Variants in HSD17B12 observed in about 807,000 individuals in gnomAD.
The protein encoded by HSD17B12 is hydroxysteroid 17-beta dehydrogenase 12, also known as very-long-chain 3-oxoacyl-CoA reductase.
A neutral mutation model predicts 39.3 loss-of-function variants in HSD17B12; 32 were observed. That is an observed-to-expected ratio of 0.81 (90% CI 0.61 to 1.09). The LOEUF is 1.09. HSD17B12 is among the 50% of genes least tolerant of loss of function. HSD17B12 has a pLI of 0.00. For synonymous variants in HSD17B12, 150 were observed against 146.7 expected (o/e 1.02, Z -0.16); for missense variants, 342 against 382.9 (o/e 0.89, Z 0.89).
intron 7 of HSD17B12, among the ~76,000 whole-genome samples, chr11:43,836,937 CTTTATTCAAA>C (rs1036161002): frequency 1.4e-4 from 22 of 152,172 alleles, no homozygotes; most frequent in Non-Finnish European, 2.8e-4. Context: ...TTATTTCCAA[CTTTATTCAAA>C]ACCCTCCTAA....
the HSD17B12 span, among the ~76,000 whole-genome samples, chr11:43,662,024 T>C: frequency 1.3e-5 from 2 of 152,100 alleles, no homozygotes; most frequent in African/African-American, 4.8e-5. Flanking sequence ...CTTTCCTTCT[T>C]GTGGGAAATG....
At chr11:43,621,666 G>A in the HSD17B12 span, among the ~76,000 whole-genome samples, 4 of 152,176 alleles carry the variant, frequency 2.6e-5, no homozygotes, top group Non-Finnish European at 4.4e-5. Flanking sequence ...AGCCATGATC[G>A]TGCCACTGCA....
At chr11:43,826,536 T>C (rs1169136054) in intron 6 of HSD17B12, among the ~76,000 whole-genome samples, 5 of 152,182 alleles carry the variant, frequency 3.3e-5, no homozygotes, top group Admixed American at 6.5e-5. Context: ...AAAGGAAAAA[T>C]TTTATTTTGA....
chr11:43,788,639 A>G lies in HSD17B12; in HGVS notation c.284-9681A>G, dbSNP rs181777712. 6.5e-4 allele frequency among the ~76,000 whole-genome samples: 94 copies of G among 143,894 alleles called. 1 individual carries two copies. The highest frequency in any genetic ancestry group is 1.3e-3 in the Admixed American group (18 of 13,758). The allele number at this position is 143,894 out of a possible 152,430, so 94.4% of individuals were successfully genotyped here. A position where few individuals can be genotyped will look rare whatever the true frequency, so the allele number is the denominator to read the frequency against. On this transcript the variant is annotated intron_variant, in intron 3 of 10. Transcript: ENST00000278353. ...CTCTGCCTGCCACCTGTCGCTTTTTATAACAAGCTGTGTATCTTCTACTCT... is the reference window on the plus strand; with the variant it reads ...CTCTGCCTGCCACCTGTCGCTTTTTGTAACAAGCTGTGTATCTTCTACTCT...
At chr11:43,612,839 T>C in the HSD17B12 span, among the ~76,000 whole-genome samples, 2 of 152,242 alleles carry the variant, frequency 1.3e-5, 1 homozygote, top group South Asian at 4.1e-4. Context: ...AAGAGAGGCC[T>C]CTTAGAAGGG....
rs536998615 is a variant in HSD17B12 at position 43,718,514 on chromosome 11, G to C, written c.161-32397G>C. Among the ~76,000 whole-genome samples, 75 of 152,314 alleles carry C rather than the reference G, an allele frequency of 4.9e-4. 1 individual carries two copies. Among genetic ancestry groups the C allele is most frequent in the Middle Eastern group, 6.8e-3 (2 of 294 alleles). ...TCTCCCATCCCCCATCCAACATACA[G>C]TGGTGAGACAGGGGCAAGAAAACTG... On this transcript the variant is annotated intron_variant, in intron 1 of 10. Coordinates refer to ENST00000278353, the MANE Select transcript of HSD17B12 (RefSeq NM_016142.3).
intron 3 of HSD17B12, among the ~76,000 whole-genome samples, chr11:43,767,535 A>G (rs1030675277): frequency 1.3e-5 from 2 of 152,214 alleles, no homozygotes; most frequent in African/African-American, 4.8e-5. Flanking sequence ...GTCAATTACC[A>G]GTTGTTTTGA....
intron 1 of HSD17B12, among the ~76,000 whole-genome samples, chr11:43,714,476 G>C: frequency 6.6e-6 from 1 of 152,160 alleles, no homozygotes; most frequent in Non-Finnish European, 1.5e-5. Flanking sequence ...CTGTTCCATT[G>C]GTCTGTATCT....
Position 43,719,955 on chromosome 11 carries a change from T to C in HSD17B12, c.161-30956T>C, listed in dbSNP as rs571290816. ...TTCTATGAATGTTATTAGGGATTGA[T>C]TCTATGTCCCAAAAGCCACATTTAT... On this transcript the variant is annotated intron_variant, in intron 1 of 10. Coordinates refer to ENST00000278353, the MANE Select transcript of HSD17B12 (RefSeq NM_016142.3). 5.7e-4 allele frequency among the ~76,000 whole-genome samples: 87 copies of C among 152,338 alleles called. 2 individuals carry two copies. The highest frequency in any genetic ancestry group is 2.9e-5 in the Non-Finnish European group (2 of 68,038).
At chr11:43,677,946 C>G (rs935043523), upstream of HSD17B12, among the ~76,000 whole-genome samples, 11 of 152,044 alleles carry the variant, frequency 7.2e-5, no homozygotes, top group African/African-American at 2.7e-4. Flanking sequence ...GGGTATATAC[C>G]CAGTAATGGG....
chr11:43,631,607 C>G, the HSD17B12 span, among the ~76,000 whole-genome samples: 2 of 127,622 alleles, frequency 1.6e-5, no homozygotes, highest in East Asian at 8.0e-4. Flanking sequence ...CTCTCTCTCT[C>G]TGTCTCTCTC....
chr11:43,685,863 C>T (rs1199047207), intron 1 of HSD17B12, among the ~76,000 whole-genome samples: 1 of 152,020 alleles, frequency 6.6e-6, no homozygotes, highest in Non-Finnish European at 1.5e-5. Flanking sequence ...CAATCTCAGA[C>T]CAAAAAAAGG....
chr11:43,638,888 A>G, the HSD17B12 span, among the ~76,000 whole-genome samples: 1 of 152,144 alleles, frequency 6.6e-6, no homozygotes, highest in East Asian at 1.9e-4. Flanking sequence ...CAGTTTCCCG[A>G]GACAGGGTTG....
At chr11:43,734,340 G>A in intron 1 of HSD17B12, 1 of 998,716 alleles carries the variant, frequency 1.0e-6, no homozygotes, top group South Asian at 1.3e-5. Context: ...GAGAGGGCCA[G>A]ATCTGTGGTG....
At chr11:43,756,774 T>C (rs1185848437) in intron 3 of HSD17B12, among the ~76,000 whole-genome samples, 1 of 152,214 alleles carries the variant, frequency 6.6e-6, no homozygotes, top group Non-Finnish European at 1.5e-5. Context: ...GATTGCTCAG[T>C]GACTCAGAAG....
the HSD17B12 span, among the ~76,000 whole-genome samples, chr11:43,638,788 A>T: frequency 2.0e-5 from 3 of 152,192 alleles, no homozygotes; most frequent in African/African-American, 7.2e-5. Context: ...AGGACTAATG[A>T]GTCAGATTAA....
At chr11:43,588,198 C>T in the HSD17B12 span, among the ~76,000 whole-genome samples, 1 of 152,150 alleles carries the variant, frequency 6.6e-6, no homozygotes, top group Non-Finnish European at 1.5e-5. Flanking sequence ...TGATCAGCTA[C>T]TAAAAAAACT....
chr11:43,673,462 TTTTTC>T, the HSD17B12 span: 1,995 of 120,078 alleles, frequency 0.017, 39 homozygotes, highest in African/African-American at 0.024. Flanking sequence ...TCCTTTAGTC[TTTTTC>T]TTTTCTTTTC....
chr11:43,827,276 G>A (rs1470649192), intron 6 of HSD17B12, among the ~76,000 whole-genome samples: 1 of 152,092 alleles, frequency 6.6e-6, no homozygotes, highest in Non-Finnish European at 1.5e-5. Context: ...TTGAGCTTTT[G>A]ATTGTCTTTT....
Sources: gnomAD v4.1 joint callset for allele counts (sites outside exome capture counted in the v4.1 genomes callset) on GRCh38, gnomAD v4.1.1 for gene constraint, MANE v1.5 for transcripts, NCBI Gene and HGNC (gene_info 2026-07-23, HGNC 2026-07-21) for gene names.